SCAPER: variants seen among roughly 807,000 people sequenced by gnomAD.
The protein encoded by SCAPER is S-phase cyclin A associated protein in the ER.
A neutral mutation model predicts 182.2 loss-of-function variants in SCAPER; 98 were observed. The ratio of observed to expected loss-of-function variants is 0.54; its 90% CI spans 0.46 to 0.64. SCAPER has a LOEUF of 0.64. Ranked by LOEUF, SCAPER falls within the 30% of genes least tolerant of loss-of-function variation. The pLI is 0.00. For missense variants in SCAPER, 1,432 were observed against 1,690.0 expected, an observed-to-expected ratio of 0.85 and a Z score of 2.68; for synonymous variants, 605 against 564.6, an observed-to-expected ratio of 1.07 and a Z score of -1.01.
intron 20 of SCAPER, among the ~76,000 whole-genome samples, chr15:76,681,939 G>C (rs1295891379): frequency 6.6e-6 from 1 of 152,144 alleles, no homozygotes; most frequent in Non-Finnish European, 1.5e-5. Context: ...GTCAGACCTG[G>C]ACAGGGCAAA....
intron 22 of SCAPER, among the ~76,000 whole-genome samples, chr15:76,614,841 A>G (rs762389690): frequency 2.0e-4 from 31 of 152,246 alleles, no homozygotes; most frequent in Non-Finnish European, 3.5e-4. Context: ...TGGTTCTTCC[A>G]TAAGACAAAC....
chr15:76,835,933 CAAAAAAA>C (rs35242954), intron 5 of SCAPER, among the ~76,000 whole-genome samples: 4 of 94,308 alleles, frequency 4.2e-5, no homozygotes, highest in African/African-American at 1.8e-4. Context: ...ACATTAGCCA[CAAAAAAA>C]AAAAAAAAAA....
At chr15:76,626,299 A>G (rs1171674238) in intron 21 of SCAPER, among the ~76,000 whole-genome samples, 3 of 152,188 alleles carry the variant, frequency 2.0e-5, no homozygotes, top group Non-Finnish European at 4.4e-5. Flanking sequence ...TTAAATATTT[A>G]TTTCCAGTTT....
chr15:76,788,192 T>C (rs1223463150), intron 8 of SCAPER, among the ~76,000 whole-genome samples: 1 of 152,106 alleles, frequency 6.6e-6, no homozygotes, highest in Non-Finnish European at 1.5e-5. Context: ...CCGTGGAGAA[T>C]GTGGGGTTAC....
intron 20 of SCAPER, among the ~76,000 whole-genome samples, chr15:76,690,861 G>GAAA (rs201758200): frequency 0.015 from 2,352 of 152,102 alleles, 61 homozygotes; most frequent in African/African-American, 0.054. Context: ...TAAAACTATA[G>GAAA]ACGAAGTTCA....
chr15:76,491,821 G>T (rs190176424), intron 24 of SCAPER, among the ~76,000 whole-genome samples: 1 of 152,032 alleles, frequency 6.6e-6, no homozygotes, highest in Non-Finnish European at 1.5e-5. Context: ...TAATAGAGAC[G>T]GGGTTTCACT....
chr15:76,591,885 C>A (rs950254412), intron 22 of SCAPER, among the ~76,000 whole-genome samples: 1 of 152,102 alleles, frequency 6.6e-6, no homozygotes, highest in East Asian at 1.9e-4. Context: ...CATGGCAAAA[C>A]CCCATATCTA....
At chr15:76,427,774 A>C (rs1794708676) in intron 26 of SCAPER, among the ~76,000 whole-genome samples, 1 of 152,094 alleles carries the variant, frequency 6.6e-6, no homozygotes, top group African/African-American at 2.4e-5. Flanking sequence ...CTGTACTAAA[A>C]ATACAAAAAT....
intron 19 of SCAPER, among the ~76,000 whole-genome samples, chr15:76,702,177 C>CA (rs202131128): frequency 0.22 from 33,762 of 151,008 alleles, 4,693 homozygotes; most frequent in Admixed American, 0.35. Flanking sequence ...CAAAACAAAA[C>CA]AAAAAAAAGA....
intron 21 of SCAPER, among the ~76,000 whole-genome samples, chr15:76,660,420 T>A (rs976552415): frequency 1.3e-5 from 2 of 152,000 alleles, no homozygotes; most frequent in Admixed American, 1.3e-4. Flanking sequence ...AAACAAATAA[T>A]TTAAAAGGTG....
intron 24 of SCAPER, among the ~76,000 whole-genome samples, chr15:76,477,918 C>CA (rs1323493813): frequency 6.6e-6 from 1 of 151,342 alleles, no homozygotes; most frequent in Non-Finnish European, 1.5e-5. Context: ...ATAACTTTTC[C>CA]AGTTTATTGC....
At chr15:76,402,889 G>A (rs4079681) in intron 27 of SCAPER, among the ~76,000 whole-genome samples, 60,105 of 151,798 alleles carry the variant, frequency 0.4, 14,184 homozygotes, top group Middle Eastern at 0.56. Flanking sequence ...AACAAGTGAC[G>A]GTGAATGACC....
chr15:76,804,374 CAATA>C (rs1428784231), intron 6 of SCAPER, among the ~76,000 whole-genome samples, 155 bp downstream of exon 6: 1 of 152,142 alleles, frequency 6.6e-6, no homozygotes, highest in Non-Finnish European at 1.5e-5. Context: ...GATAATTACC[CAATA>C]AATATTTGTT....
intron 16 of SCAPER, among the ~76,000 whole-genome samples, chr15:76,731,068 C>A (rs542445191): frequency 3.2e-4 from 49 of 152,228 alleles, no homozygotes; most frequent in African/African-American, 1.0e-3. Context: ...AAACTTTGTA[C>A]CTCATAAAGC....
At chr15:76,652,371 C>CACATAT (rs764864981) in intron 21 of SCAPER, among the ~76,000 whole-genome samples, 7 of 8,062 alleles carry the variant, frequency 8.7e-4, no homozygotes, top group African/African-American at 1.6e-3. Context: ...CACACACACA[C>CACATAT]ATATATATAT....
chr15:76,777,145 T>C (rs1156293994), intron 8 of SCAPER, among the ~76,000 whole-genome samples: 5 of 152,052 alleles, frequency 3.3e-5, no homozygotes, highest in Admixed American at 2.0e-4. Context: ...ATATTACCTA[T>C]AGAGAAACAC....
intron 25 of SCAPER, among the ~76,000 whole-genome samples, chr15:76,453,883 C>T (rs999902218): frequency 1.3e-5 from 2 of 152,200 alleles, no homozygotes; most frequent in Non-Finnish European, 2.9e-5. Flanking sequence ...AGATACAGGT[C>T]TTCCTGCTTA....
intron 5 of SCAPER, among the ~76,000 whole-genome samples, chr15:76,813,355 C>T (rs2066821547): frequency 6.7e-6 from 1 of 148,718 alleles, no homozygotes; most frequent in East Asian, 2.0e-4. Context: ...TGATCAATAT[C>T]AACATAATAA....
At chr15:76,628,864 C>T (rs1157749644) in intron 21 of SCAPER, among the ~76,000 whole-genome samples, 1 of 152,154 alleles carries the variant, frequency 6.6e-6, no homozygotes, top group Non-Finnish European at 1.5e-5. Flanking sequence ...ATTTTGGGCA[C>T]TATGGCCATT....
Sources: allele counts gnomAD v4.1 joint callset (sites outside exome capture counted in the v4.1 genomes callset), GRCh38; gene constraint gnomAD v4.1.1; transcripts MANE v1.5; gene names NCBI Gene and HGNC (gene_info 2026-07-23, HGNC 2026-07-21).